The following CDK6 variants were observed in gnomAD, a reference collection of about 807,000 sequenced individuals.
CDK6 encodes the protein cyclin dependent kinase 6.
In CDK6, 6 loss-of-function variants were observed where a neutral mutation model predicts 37.1. That is an observed-to-expected ratio of 0.16 (90% CI 0.09 to 0.32). The LOEUF (loss-of-function observed/expected upper bound fraction) is 0.32. Among genes scored for constraint, CDK6 ranks in the 10% least tolerant of loss-of-function variants. The probability of loss-of-function intolerance (pLI) is 1.00; values close to 1 mark genes in which losing one functional copy is unlikely to be tolerated. For missense variants in CDK6, 224 were observed against 418.9 expected (o/e 0.53, Z 4.06); for synonymous variants, 160 against 161.3 (o/e 0.99, Z 0.06).
intron 5 of CDK6, among the ~76,000 whole-genome samples, chr7:92,657,402 C>T (rs1317802881): frequency 1.3e-5 from 2 of 152,156 alleles, no homozygotes; most frequent in Non-Finnish European, 2.9e-5. Context: ...GGAAAAATGA[C>T]ATGAAGCACC....
chr7:92,811,023 G>T (rs755275931), intron 2 of CDK6, among the ~76,000 whole-genome samples: 4 of 151,898 alleles, frequency 2.6e-5, no homozygotes, highest in Non-Finnish European at 4.4e-5. Context: ...CCGAGATCGC[G>T]CCCGGTGACA....
intron 5 of CDK6, among the ~76,000 whole-genome samples, chr7:92,659,328 G>T (rs946033962): frequency 3.3e-5 from 5 of 152,048 alleles, no homozygotes; most frequent in African/African-American, 1.2e-4. Flanking sequence ...TTAGTAAAAA[G>T]AAAGAATGTA....
chr7:92,639,451 A>G (rs1211471019), intron 5 of CDK6, among the ~76,000 whole-genome samples: 1 of 152,206 alleles, frequency 6.6e-6, no homozygotes, highest in Admixed American at 6.5e-5. Flanking sequence ...TCTTCCTTCA[A>G]GAAAAGCTTT....
intron 4 of CDK6, among the ~76,000 whole-genome samples, chr7:92,683,307 C>T (rs1797376886): frequency 6.6e-6 from 1 of 152,114 alleles, no homozygotes; most frequent in African/African-American, 2.4e-5. Flanking sequence ...CAGTCAAATG[C>T]CTCTAAGGTC....
rs1017287173 is a variant in CDK6, at chr7:92,613,500, T to C, written c.*1640A>G. On this transcript the variant is annotated 3_prime_UTR_variant, in exon 8 of 8. Coordinates refer to ENST00000424848, the MANE Select transcript of CDK6 (RefSeq NM_001145306.2). ...TAAACCACTTATAAGGCAGAGATGG[T>C]ATGAAATATAAAGGACTGTAGAGAA... The C allele has an allele frequency of 6.4e-5, 15 of 233,516 alleles. No individual in the cohort carries two copies. The highest frequency in any genetic ancestry group is 1.0e-4 in the Non-Finnish European group (12 of 118,036). The allele number at this position is 233,516 out of a possible 1,614,324, so 14.5% of individuals were successfully genotyped here.
At chr7:92,771,175 G>A (rs1265986642) in intron 3 of CDK6, among the ~76,000 whole-genome samples, 1 of 150,770 alleles carries the variant, frequency 6.6e-6, no homozygotes, top group Non-Finnish European at 1.5e-5. Flanking sequence ...GGTGGAGGTT[G>A]CAGTGAGTTG....
At chr7:92,706,632 A>G (rs1466416060) in intron 4 of CDK6, among the ~76,000 whole-genome samples, 3 of 152,244 alleles carry the variant, frequency 2.0e-5, no homozygotes, top group Non-Finnish European at 4.4e-5. Flanking sequence ...TTTCTGTGCC[A>G]TCCTCAACTA....
chr7:92,804,591 T>C (rs1053724252), intron 2 of CDK6, among the ~76,000 whole-genome samples: 7 of 152,216 alleles, frequency 4.6e-5, no homozygotes, highest in African/African-American at 1.2e-4. Context: ...AGCTTGTTAA[T>C]GCTAGATGGT....
intron 4 of CDK6, among the ~76,000 whole-genome samples, chr7:92,673,159 G>A (rs903443316): frequency 8.5e-5 from 13 of 152,160 alleles, no homozygotes; most frequent in African/African-American, 2.7e-4. Context: ...GAAAGCCTGC[G>A]AATGAGCCAT....
chr7:92,751,779 C>T (rs1799195610), intron 3 of CDK6, among the ~76,000 whole-genome samples: 1 of 151,992 alleles, frequency 6.6e-6, no homozygotes, highest in Non-Finnish European at 1.5e-5. Context: ...TTTCTGAATC[C>T]TATCATTTAT....
chr7:92,664,217 A>G (rs1252467635), intron 5 of CDK6, among the ~76,000 whole-genome samples: 2 of 152,010 alleles, frequency 1.3e-5, no homozygotes, highest in Non-Finnish European at 2.9e-5. Flanking sequence ...ACAAAAACAG[A>G]GTCTAGGAAA....
At chr7:92,711,135 AAG>A (rs1798078602) in intron 4 of CDK6, among the ~76,000 whole-genome samples, 1 of 152,220 alleles carries the variant, frequency 6.6e-6, no homozygotes, top group Admixed American at 6.5e-5. Flanking sequence ...ATTATCCTAA[AAG>A]AAATTAGTAT....
chr7:92,795,264 C>T (rs112687361), intron 2 of CDK6, among the ~76,000 whole-genome samples: 1 of 152,168 alleles, frequency 6.6e-6, no homozygotes, highest in African/African-American at 2.4e-5. Context: ...AAGCAATTTG[C>T]TACACTTTAA....
At chr7:92,752,896 GGTAACT>G (rs1244482703) in intron 3 of CDK6, among the ~76,000 whole-genome samples, 1 of 152,046 alleles carries the variant, frequency 6.6e-6, no homozygotes, top group African/African-American at 2.4e-5. Context: ...ACAATCTTCA[GGTAACT>G]GCTTCAACTG....
intron 4 of CDK6, among the ~76,000 whole-genome samples, chr7:92,705,859 T>C (rs1226921751): frequency 1.3e-5 from 2 of 152,244 alleles, no homozygotes; most frequent in Non-Finnish European, 1.5e-5. Context: ...GAATTGCAGG[T>C]TGAATGTGCT....
intron 5 of CDK6, among the ~76,000 whole-genome samples, chr7:92,664,754 T>C (rs1796916699): frequency 6.6e-6 from 1 of 152,072 alleles, no homozygotes; most frequent in Admixed American, 6.6e-5. Context: ...ACAATCTTCG[T>C]ATTCAAAGAA....
chr7:92,760,245 T>C (rs1268972179), intron 3 of CDK6, among the ~76,000 whole-genome samples: 1 of 152,194 alleles, frequency 6.6e-6, no homozygotes, highest in Non-Finnish European at 1.5e-5. Flanking sequence ...TTTGTAAGAC[T>C]AAAGGAGATA....
intron 4 of CDK6, among the ~76,000 whole-genome samples, chr7:92,694,800 ATGTC>A (rs1797671732): frequency 6.6e-6 from 1 of 152,204 alleles, no homozygotes; most frequent in Non-Finnish European, 1.5e-5. Context: ...TTCAGAAGAC[ATGTC>A]TGTCTCTGAA....
intron 5 of CDK6, among the ~76,000 whole-genome samples, chr7:92,643,146 C>T (rs1796353030): frequency 6.6e-6 from 1 of 152,136 alleles, no homozygotes; most frequent in Admixed American, 6.5e-5. Context: ...CTTGGCCTCC[C>T]AAAGTGTTGG....
Sources: allele counts gnomAD v4.1 joint callset (sites outside exome capture counted in the v4.1 genomes callset), GRCh38; gene constraint gnomAD v4.1.1; transcripts MANE v1.5; gene names NCBI Gene and HGNC (gene_info 2026-07-23, HGNC 2026-07-21).